Variants in TENM3 observed in about 807,000 individuals in gnomAD.
TENM3 encodes teneurin transmembrane protein 3, also known as teneurin-3.
In TENM3, 63 loss-of-function variants were observed where a neutral mutation model predicts 255.1. The ratio of observed to expected loss-of-function variants is 0.25; its 90% CI spans 0.20 to 0.30. The LOEUF (loss-of-function observed/expected upper bound fraction) is 0.30. TENM3 is among the 10% of genes least tolerant of loss of function. The probability of loss-of-function intolerance (pLI) is 1.00; values close to 1 mark genes in which losing one functional copy is unlikely to be tolerated. For synonymous variants in TENM3, 1,306 were observed against 1,322.3 expected, an observed-to-expected ratio of 0.99 and a Z score of 0.27; for missense variants, 2,929 against 3,461.1, an observed-to-expected ratio of 0.85 and a Z score of 3.86.
At chr4:182,697,821 A>G (rs905677641) in intron 12 of TENM3, 8 of 152,174 alleles carry the variant, frequency 5.3e-5, no homozygotes, top group Non-Finnish European at 7.3e-5. Flanking sequence ...TCTCTTTTCT[A>G]CAAATGCAAA....
the TENM3 span, chr4:181,830,011 G>C: frequency 2.6e-5 from 4 of 152,230 alleles, no homozygotes; most frequent in African/African-American, 9.7e-5. Flanking sequence ...TGGAGACCAA[G>C]GCACAGTGCT....
chr4:182,587,082 C>T (rs1746095803), intron 3 of TENM3, among the ~76,000 whole-genome samples: 3 of 140,332 alleles, frequency 2.1e-5, no homozygotes, highest in Admixed American at 2.1e-4. Context: ...TAAAACAGAT[C>T]AGTTTTCTTT....
chr4:182,616,480 AC>A (rs1182564393), intron 4 of TENM3, among the ~76,000 whole-genome samples: 1 of 142,780 alleles, frequency 7.0e-6, no homozygotes, highest in Non-Finnish European at 1.5e-5. Flanking sequence ...TATGTAACTA[AC>A]CTGCACAATG....
chr4:181,658,858 A>G, the TENM3 span, among the ~76,000 whole-genome samples: 2 of 152,162 alleles, frequency 1.3e-5, no homozygotes, highest in Non-Finnish European at 2.9e-5. Flanking sequence ...TGGGAGATGG[A>G]GCCAGGACAC....
the TENM3 span, among the ~76,000 whole-genome samples, chr4:182,034,865 G>A: frequency 3.3e-5 from 5 of 152,132 alleles, no homozygotes; most frequent in Middle Eastern, 0.014. Context: ...TGTGTCTTGG[G>A]GTTGATCTTC....
chr4:181,877,550 C>G, the TENM3 span, among the ~76,000 whole-genome samples: 1 of 152,112 alleles, frequency 6.6e-6, no homozygotes, highest in Non-Finnish European at 1.5e-5. Flanking sequence ...GCCAAAAAAT[C>G]GTGACTTAAA....
At chr4:181,972,658 C>A in the TENM3 span, among the ~76,000 whole-genome samples, 1 of 152,064 alleles carries the variant, frequency 6.6e-6, no homozygotes, top group South Asian at 2.1e-4. Flanking sequence ...GACAACATGA[C>A]CTGGGCAGTA....
At chr4:181,865,589 GC>G in the TENM3 span, among the ~76,000 whole-genome samples, 3 of 152,202 alleles carry the variant, frequency 2.0e-5, no homozygotes, top group Non-Finnish European at 4.4e-5. Flanking sequence ...GGGGCTGAAG[GC>G]CCACTAAAGC....
At chr4:182,628,921 G>C in intron 5 of TENM3, 32 bp downstream of exon 5, 1 of 1,244,404 alleles carries the variant, frequency 8.0e-7, no homozygotes, top group South Asian at 1.3e-5. Context: ...TACTTTGTCT[G>C]TAAATCAGGG....
At chr4:181,482,709 G>A in the TENM3 span, among the ~76,000 whole-genome samples, 18 of 151,934 alleles carry the variant, frequency 1.2e-4, no homozygotes, top group East Asian at 7.7e-4. Context: ...TTTTGCCTCC[G>A]CCAGGTACTT....
At chr4:181,978,583 G>GT in the TENM3 span, among the ~76,000 whole-genome samples, 1 of 150,680 alleles carries the variant, frequency 6.6e-6, no homozygotes, top group African/African-American at 2.4e-5. Context: ...GGAGGTGGAG[G>GT]TTGCAGTAAG....
chr4:182,538,073 A>G (rs1444241227), intron 3 of TENM3, among the ~76,000 whole-genome samples: 1 of 152,228 alleles, frequency 6.6e-6, no homozygotes, highest in Non-Finnish European at 1.5e-5. Context: ...GAATGCTTAA[A>G]TATATACATT....
At chr4:181,756,057 G>A in the TENM3 span, among the ~76,000 whole-genome samples, 1 of 152,126 alleles carries the variant, frequency 6.6e-6, no homozygotes, top group African/African-American at 2.4e-5. Flanking sequence ...CTGTGCTAGA[G>A]GAGTTGGCCA....
chr4:181,539,095 C>A, the TENM3 span, among the ~76,000 whole-genome samples: 84 of 152,316 alleles, frequency 5.5e-4, no homozygotes, highest in African/African-American at 1.9e-3. Flanking sequence ...GTAATCCTGG[C>A]AGACTACGTT....
At chr4:181,605,565 AGAAAG>A in the TENM3 span, among the ~76,000 whole-genome samples, 1 of 29,792 alleles carries the variant, frequency 3.4e-5, no homozygotes, top group Non-Finnish European at 1.1e-4. Flanking sequence ...AAAGAAAGAA[AGAAAG>A]AGAGAGAAAG....
chr4:182,666,788 A>T (rs545555980), intron 6 of TENM3, among the ~76,000 whole-genome samples: 1 of 151,970 alleles, frequency 6.6e-6, no homozygotes, highest in Non-Finnish European at 1.5e-5. Flanking sequence ...AGTCCCAGGC[A>T]CTTGGGAAGC....
chr4:181,473,424 C>T, the TENM3 span, among the ~76,000 whole-genome samples: 1 of 151,846 alleles, frequency 6.6e-6, no homozygotes, highest in African/African-American at 2.4e-5. Context: ...CCCATCTCTA[C>T]AAAATAAAAT....
At chr4:181,969,364 T>A in the TENM3 span, among the ~76,000 whole-genome samples, 3 of 152,244 alleles carry the variant, frequency 2.0e-5, no homozygotes, top group Non-Finnish European at 4.4e-5. Context: ...TCTTTTTCTA[T>A]GTTGCGACAT....
At chr4:182,009,659 C>A in the TENM3 span, among the ~76,000 whole-genome samples, 1,602 of 152,184 alleles carry the variant, frequency 0.011, 29 homozygotes, top group African/African-American at 0.036. Context: ...TGTTTGGAGT[C>A]CCAGTGCTGG....
Sources: gnomAD v4.1 joint callset for allele counts (sites outside exome capture counted in the v4.1 genomes callset) on GRCh38, gnomAD v4.1.1 for gene constraint, MANE v1.5 for transcripts, NCBI Gene and HGNC (gene_info 2026-07-23, HGNC 2026-07-21) for gene names.